PTPRN2: variants seen among roughly 807,000 people sequenced by gnomAD.
PTPRN2 encodes protein tyrosine phosphatase receptor type N2, also known as receptor-type tyrosine-protein phosphatase N2.
In PTPRN2, 74 loss-of-function variants were observed where a neutral mutation model predicts 118.8. The observed-to-expected ratio is 0.62, with a 90% CI of 0.52 to 0.76. The LOEUF (loss-of-function observed/expected upper bound fraction) is 0.76. Among genes scored for constraint, PTPRN2 ranks in the 30% least tolerant of loss-of-function variants. PTPRN2 has a pLI of 0.00. For synonymous variants in PTPRN2, 641 were observed against 608.0 expected, an observed-to-expected ratio of 1.05 and a Z score of -0.80; for missense variants, 1,481 against 1,394.4, an observed-to-expected ratio of 1.06 and a Z score of -0.99.
chr7:158,341,428 C>A (rs1271183657), intron 2 of PTPRN2, among the ~76,000 whole-genome samples: 2 of 150,642 alleles, frequency 1.3e-5, no homozygotes, highest in African/African-American at 4.9e-5. Flanking sequence ...CACTCACACC[C>A]ACACTCTCAC....
intron 10 of PTPRN2, among the ~76,000 whole-genome samples, chr7:158,090,389 G>T (rs1036873743): frequency 2.0e-5 from 3 of 152,194 alleles, no homozygotes; most frequent in Non-Finnish European, 4.4e-5. Context: ...AGAATTCACT[G>T]ACTTAAAACT....
At chr7:158,329,913 T>C (rs1405460663) in intron 2 of PTPRN2, among the ~76,000 whole-genome samples, 1 of 152,114 alleles carries the variant, frequency 6.6e-6, no homozygotes, top group Non-Finnish European at 1.5e-5. Context: ...ATGGAGTGAC[T>C]GGCAGAGTGT....
At chr7:157,703,520 T>C (rs1798180182) in intron 12 of PTPRN2, among the ~76,000 whole-genome samples, 1 of 152,174 alleles carries the variant, frequency 6.6e-6, no homozygotes, top group South Asian at 2.1e-4. Context: ...TAAGCTAAGT[T>C]TCGGGATAAC....
At chr7:158,373,660 T>C (rs904581020) in intron 2 of PTPRN2, among the ~76,000 whole-genome samples, 2 of 152,242 alleles carry the variant, frequency 1.3e-5, no homozygotes, top group South Asian at 4.1e-4. Flanking sequence ...GATTCATCCA[T>C]CTTTGAAATG....
chr7:158,386,277 C>T (rs756441717), intron 2 of PTPRN2, among the ~76,000 whole-genome samples: 244 of 119,068 alleles, frequency 2.0e-3, no homozygotes, highest in Non-Finnish European at 2.8e-3. Context: ...TCCCTCCTCC[C>T]GTGCCCCAAG....
chr7:158,316,667 C>A, intron 3 of PTPRN2, 152 bp downstream of exon 3: 1 of 606,024 alleles, frequency 1.7e-6, no homozygotes, highest in South Asian at 2.1e-5. Flanking sequence ...AGGAAGCACC[C>A]ATGAGCCCAG....
intron 10 of PTPRN2, among the ~76,000 whole-genome samples, chr7:158,100,539 T>C (rs1052708659): frequency 6.6e-6 from 1 of 152,220 alleles, no homozygotes; most frequent in East Asian, 1.9e-4. Context: ...GTGTTCCCTG[T>C]TCACCACATC....
At chr7:157,821,186 C>T (rs780492770) in intron 12 of PTPRN2, among the ~76,000 whole-genome samples, 6 of 152,242 alleles carry the variant, frequency 3.9e-5, no homozygotes, top group Non-Finnish European at 8.8e-5. Flanking sequence ...AAGAAGGCAA[C>T]TCACCTGTGA....
At chr7:157,913,068 A>C (rs1261328312) in intron 11 of PTPRN2, among the ~76,000 whole-genome samples, 1 of 152,168 alleles carries the variant, frequency 6.6e-6, no homozygotes, top group Admixed American at 6.5e-5. Context: ...TGAACATGTA[A>C]ATCTCTCCAT....
rs181498608 is a variant in PTPRN2 at position 157,984,992 on chromosome 7, C to G, written c.1724-86255G>C. On this transcript the variant is annotated intron_variant, in intron 11 of 22. Coordinates refer to ENST00000389418, the MANE Select transcript of PTPRN2 (RefSeq NM_002847.5). The stretch of plus-strand genomic sequence containing the variant: ...CTCCCCTGGCTGAGCGCCCACACTT[C>G]TTTCCCCTTTTCCAAATCCCACCTG... Among the ~76,000 whole-genome samples the G allele has an allele frequency of 4.3e-3, 649 of 152,294 alleles. 4 individuals carry two copies. Among genetic ancestry groups the G allele is most frequent in the Admixed American group, 8.6e-3 (132 of 15,300 alleles).
intron 2 of PTPRN2, among the ~76,000 whole-genome samples, chr7:158,414,618 G>A (rs1023151147): frequency 1.3e-4 from 20 of 152,172 alleles, no homozygotes; most frequent in Admixed American, 8.5e-4. Context: ...GCTGGAGGCC[G>A]CCCCCGCTTC....
Position 158,038,722 on chromosome 7 carries a change from G to A in PTPRN2, c.1723+42576C>T, listed in dbSNP as rs1808247208. Among the ~76,000 whole-genome samples, 4 of 147,772 alleles carry A rather than the reference G, an allele frequency of 2.7e-5. No homozygotes were observed. In the Admixed American group the frequency reaches 2.7e-4, roughly 10 times the overall value. ...CATGTATATTTATATTATATAATAT[G>A]TAGTATTTATATTAGATAATAAAGT... On this transcript the variant is annotated intron_variant, in intron 11 of 22. Coordinates refer to ENST00000389418, the MANE Select transcript of PTPRN2 (RefSeq NM_002847.5).
chr7:158,146,922 C>T (rs565502110), intron 6 of PTPRN2, among the ~76,000 whole-genome samples: 5 of 151,386 alleles, frequency 3.3e-5, no homozygotes, highest in Non-Finnish European at 4.4e-5. Context: ...CTGAATGACA[C>T]CCCATCTCAC....
Position 157,587,870 on chromosome 7 carries a change from G to T in PTPRN2, c.2496+7368C>A, listed in dbSNP as rs559718399. Among the ~76,000 whole-genome samples the T allele has an allele frequency of 9.2e-5, 14 of 152,076 alleles. No homozygotes were observed. The highest frequency in any genetic ancestry group is 2.7e-4 in the African/African-American group (11 of 41,480). On this transcript the variant is annotated intron_variant, in intron 17 of 22. Transcript: ENST00000389418. The surrounding 1 kb of genome is among the most constrained non-coding windows in gnomAD (Gnocchi z 5.3). ...TCCCCATGCCTGGGCTCCCGTGGTG[G>T]CTCTCCCCATGCCTGGGTTCCCAAG... is the stretch of plus-strand genomic sequence containing the variant.
At chr7:158,230,765 T>A (rs1376514027) in intron 3 of PTPRN2, among the ~76,000 whole-genome samples, 1 of 151,964 alleles carries the variant, frequency 6.6e-6, no homozygotes, top group East Asian at 1.9e-4. Flanking sequence ...GCAACAAGAA[T>A]GAGGAGTTAC....
chr7:158,151,654 C>T lies in PTPRN2; in HGVS notation c.911-13139G>A, dbSNP rs1159270123. On this transcript the variant is annotated intron_variant, in intron 6 of 22. Transcript: ENST00000389418. Reference sequence around the variant, plus strand: ...TCAGGAGGTGAAATACTCCCCCGCCCCCTCCTTCTTCCCTCTTGTTTCCTT... The same window carrying T: ...TCAGGAGGTGAAATACTCCCCCGCCTCCTCCTTCTTCCCTCTTGTTTCCTT... Among the ~76,000 whole-genome samples the T allele has an allele frequency of 2.0e-5, 3 of 152,108 alleles. No individual in the cohort carries two copies. The East Asian group carries it at 5.8e-4, about 29-fold the overall frequency.
At chr7:158,081,072 C>T (rs1812782326) in intron 11 of PTPRN2, among the ~76,000 whole-genome samples, 1 of 152,226 alleles carries the variant, frequency 6.6e-6, no homozygotes, top group Non-Finnish European at 1.5e-5. Context: ...CCTCTCCACA[C>T]AGTGAAATCC....
chr7:157,742,184 G>T (rs1462937205), intron 12 of PTPRN2, among the ~76,000 whole-genome samples: 1 of 152,158 alleles, frequency 6.6e-6, no homozygotes, highest in Non-Finnish European at 1.5e-5. Context: ...GCATCAAAAG[G>T]GCCAAAGTTA....
At chr7:158,192,545 G>A (rs973156387) in intron 4 of PTPRN2, 50 bp from the exon 5 acceptor site, 15 of 1,542,268 alleles carry the variant, frequency 9.7e-6, no homozygotes, top group South Asian at 2.4e-5. Context: ...GCTGGTGCCT[G>A]GAGCTGCTCT....
Sources: gnomAD v4.1 joint callset for allele counts (sites outside exome capture counted in the v4.1 genomes callset) on GRCh38, gnomAD v4.1.1 for gene constraint, Gnocchi (gnomAD v3.1) non-coding constraint, MANE v1.5 for transcripts, NCBI Gene and HGNC (gene_info 2026-07-23, HGNC 2026-07-21) for gene names.